The following RIMS2 variants were observed in gnomAD, a reference collection of about 807,000 sequenced individuals.
The protein encoded by RIMS2 is regulating synaptic membrane exocytosis 2.
RIMS2 carries 59 observed loss-of-function variants against 174.4 expected under a neutral mutation model. The ratio of observed to expected loss-of-function variants is 0.34; its 90% CI spans 0.27 to 0.42. The LOEUF (loss-of-function observed/expected upper bound fraction) is 0.42, where lower values mean the gene tolerates loss of function less well. Among genes scored for constraint, RIMS2 ranks in the 10% least tolerant of loss-of-function variants. The pLI is 1.00. For synonymous variants in RIMS2, 606 were observed against 572.5 expected, an observed-to-expected ratio of 1.06 and a Z score of -0.84; for missense variants, 1,620 against 1,666.3, an observed-to-expected ratio of 0.97 and a Z score of 0.48.
intron 15 of RIMS2, among the ~76,000 whole-genome samples, chr8:103,962,166 A>T (rs1340298483): frequency 6.6e-6 from 1 of 151,936 alleles, no homozygotes; most frequent in African/African-American, 2.4e-5. Context: ...TTCCATTCAG[A>T]TCGTTCATCT....
At chr8:103,782,575 G>A (rs1162280684) in intron 3 of RIMS2, among the ~76,000 whole-genome samples, 2 of 151,948 alleles carry the variant, frequency 1.3e-5, no homozygotes, top group African/African-American at 4.8e-5. Context: ...TAGTCATTGC[G>A]ATATGACCCA....
At chr8:103,898,794 T>C (rs965446698) in intron 4 of RIMS2, among the ~76,000 whole-genome samples, 3 of 151,546 alleles carry the variant, frequency 2.0e-5, no homozygotes, top group Admixed American at 2.0e-4. Context: ...TACATATGTA[T>C]ACATGTGCCA....
At chr8:103,831,546 A>C (rs2098826109) in intron 3 of RIMS2, among the ~76,000 whole-genome samples, 1 of 152,194 alleles carries the variant, frequency 6.6e-6, no homozygotes, top group Non-Finnish European at 1.5e-5. Context: ...GGAGCTCCAG[A>C]GAATTTTCAC....
At chr8:104,199,857 C>A (rs368674784) in intron 19 of RIMS2, among the ~76,000 whole-genome samples, 4 of 152,104 alleles carry the variant, frequency 2.6e-5, no homozygotes, top group African/African-American at 9.7e-5. Context: ...TGGAGTTGGG[C>A]CTCCTTCCTG....
At chr8:103,796,012 G>T (rs756390917) in intron 3 of RIMS2, among the ~76,000 whole-genome samples, 5 of 152,162 alleles carry the variant, frequency 3.3e-5, no homozygotes, top group Non-Finnish European at 5.9e-5. Context: ...GCCATTTAAA[G>T]ATACTTAGGT....
At chr8:103,723,738 T>C (rs1342096537) in intron 2 of RIMS2, among the ~76,000 whole-genome samples, 9 of 152,182 alleles carry the variant, frequency 5.9e-5, no homozygotes, top group African/African-American at 2.2e-4. Context: ...GGGACTTGCT[T>C]GGTCCCTGAG....
intron 3 of RIMS2, among the ~76,000 whole-genome samples, chr8:103,854,942 C>T (rs1208176062): frequency 6.6e-6 from 1 of 151,990 alleles, no homozygotes; most frequent in Non-Finnish European, 1.5e-5. Context: ...GGTATTAGTT[C>T]TTCTTTGTAT....
intron 3 of RIMS2, among the ~76,000 whole-genome samples, chr8:103,873,146 A>G (rs2099120490): frequency 6.6e-6 from 1 of 152,072 alleles, no homozygotes; most frequent in Non-Finnish European, 1.5e-5. Context: ...TTCCTCCCTC[A>G]TGGATGGAGC....
At chr8:104,106,535 T>C (rs1323224965) in intron 19 of RIMS2, among the ~76,000 whole-genome samples, 3 of 152,314 alleles carry the variant, frequency 2.0e-5, no homozygotes, top group East Asian at 1.9e-4. Flanking sequence ...TTGTCTGCTA[T>C]AGGGATAAAA....
At chr8:103,830,432 T>G (rs2098818467) in intron 3 of RIMS2, among the ~76,000 whole-genome samples, 1 of 152,290 alleles carries the variant, frequency 6.6e-6, no homozygotes, top group East Asian at 1.9e-4. Flanking sequence ...GAGAAATATC[T>G]TATTATTTTT....
chr8:104,024,653 T>C (rs554050626), intron 19 of RIMS2, among the ~76,000 whole-genome samples: 1 of 152,190 alleles, frequency 6.6e-6, no homozygotes, highest in East Asian at 1.9e-4. Flanking sequence ...GATGCAAAGA[T>C]GAACAAGATA....
intron 19 of RIMS2, among the ~76,000 whole-genome samples, chr8:104,149,105 G>A (rs1031508757): frequency 3.3e-5 from 5 of 152,124 alleles, no homozygotes; most frequent in South Asian, 4.1e-4. Flanking sequence ...GAGGAGTTAC[G>A]CTGTGACACC....
chr8:103,589,045 C>T (rs1375980644), intron 1 of RIMS2, among the ~76,000 whole-genome samples: 1 of 151,540 alleles, frequency 6.6e-6, no homozygotes. Flanking sequence ...TACTGGAGGT[C>T]CTACCTAGAG....
intron 13 of RIMS2, among the ~76,000 whole-genome samples, chr8:103,937,121 A>G (rs2081452538): frequency 1.8e-5 from 2 of 113,294 alleles, no homozygotes; most frequent in Admixed American, 1.6e-4. Flanking sequence ...TTAAAGATAA[A>G]TAAATAAATA....
intron 1 of RIMS2, among the ~76,000 whole-genome samples, chr8:103,616,814 A>G (rs915656185): frequency 1.3e-5 from 2 of 152,200 alleles, no homozygotes; most frequent in Non-Finnish European, 2.9e-5. Flanking sequence ...ACAGATAACT[A>G]GGGAGGTAAA....
At chr8:104,142,418 T>C (rs2098592414) in intron 19 of RIMS2, among the ~76,000 whole-genome samples, 1 of 152,120 alleles carries the variant, frequency 6.6e-6, no homozygotes, top group Admixed American at 6.5e-5. Context: ...CGTGAGCCAC[T>C]GCACCTGGCC....
intron 19 of RIMS2, among the ~76,000 whole-genome samples, chr8:104,191,545 G>A (rs2098997877): frequency 6.6e-6 from 1 of 152,018 alleles, no homozygotes; most frequent in East Asian, 1.9e-4. Flanking sequence ...GAAGTATATT[G>A]AAAATAAAAC....
At chr8:104,149,683 C>T (rs1263863216) in intron 19 of RIMS2, among the ~76,000 whole-genome samples, 17 of 152,084 alleles carry the variant, frequency 1.1e-4, no homozygotes, top group Admixed American at 1.1e-3. Context: ...AAATTATAGG[C>T]AGCTGGATTA....
intron 19 of RIMS2, among the ~76,000 whole-genome samples, chr8:104,212,488 AATAAG>A (rs1339573430): frequency 6.6e-6 from 1 of 152,178 alleles, no homozygotes; most frequent in Non-Finnish European, 1.5e-5. Flanking sequence ...TCAGAGGGCA[AATAAG>A]ATAAGGACCT....
Sources: allele counts gnomAD v4.1 joint callset (sites outside exome capture counted in the v4.1 genomes callset), GRCh38; gene constraint gnomAD v4.1.1; transcripts MANE v1.5; gene names NCBI Gene and HGNC (gene_info 2026-07-23, HGNC 2026-07-21).